Variants in LCLAT1 observed in about 807,000 individuals in gnomAD.
The protein encoded by LCLAT1 is 1-AGP acyltransferase 8.
LCLAT1 carries 11 observed loss-of-function variants against 30.7 expected under a neutral mutation model. The ratio of observed to expected loss-of-function variants is 0.36; its 90% confidence interval spans 0.23 to 0.59. The LOEUF (loss-of-function observed/expected upper bound fraction) is 0.59, where lower values mean the gene tolerates loss of function less well. Ranked by LOEUF, LCLAT1 falls within the 20% of genes least tolerant of loss-of-function variation. The pLI is 0.77. For synonymous variants in LCLAT1, 155 were observed against 151.3 expected (o/e 1.02, Z -0.18); for missense variants, 402 against 458.6 (o/e 0.88, Z 1.13).
intron 3 of LCLAT1, among the ~76,000 whole-genome samples, chr2:30,559,947 A>G (rs1665113370): frequency 6.6e-6 from 1 of 152,198 alleles, no homozygotes; most frequent in South Asian, 2.1e-4. Context: ...TGTTTCTCTC[A>G]TCAATCCCCC....
chr2:30,604,036 T>C (rs1026505347), intron 5 of LCLAT1, among the ~76,000 whole-genome samples: 2 of 152,006 alleles, frequency 1.3e-5, no homozygotes, highest in East Asian at 3.9e-4. Context: ...ACACTAAATA[T>C]TGAACTTACC....
intron 5 of LCLAT1, among the ~76,000 whole-genome samples, chr2:30,587,961 T>C (rs1051567700): frequency 6.6e-6 from 1 of 152,266 alleles, no homozygotes; most frequent in African/African-American, 2.4e-5. Context: ...AAGTCCTATC[T>C]GGAAGCCTTC....
At chr2:30,537,727 C>A (rs1348143819) in intron 3 of LCLAT1, among the ~76,000 whole-genome samples, 2 of 152,116 alleles carry the variant, frequency 1.3e-5, no homozygotes, top group Non-Finnish European at 2.9e-5. Flanking sequence ...GCATTATAGA[C>A]CAAGTGGACC....
chr2:30,475,603 A>G (rs1005544714), intron 1 of LCLAT1, among the ~76,000 whole-genome samples: 3 of 152,172 alleles, frequency 2.0e-5, no homozygotes, highest in African/African-American at 7.2e-5. Flanking sequence ...ATTTTAATGC[A>G]TGTTTAAATA....
rs143936713 is a variant in LCLAT1, at chr2:30,583,343, G to A, written c.628+15167G>A. Among the ~76,000 whole-genome samples, 51 of 152,266 alleles carry A rather than the reference G, an allele frequency of 3.3e-4. No homozygotes were observed. In the East Asian group the frequency reaches 8.1e-3, roughly 24 times the overall value. ...TGTAAACTTTAAGATCATGGGTTTC[G>A]TTGTTTCATTAAAGTGCCATCCAAA... is the stretch of plus-strand genomic sequence containing the variant. On this transcript the variant is annotated intron_variant, in intron 5 of 5. Transcript: ENST00000379509.
rs201014358 is a variant in LCLAT1 at position 30,603,482 on chromosome 2, TG to T, written c.628+35307del. Among the ~76,000 whole-genome samples, 660 of 151,850 alleles carry T rather than the reference TG, an allele frequency of 4.3e-3. 6 individuals are homozygous for T. The highest frequency in any genetic ancestry group is 0.015 in the African/African-American group (628 of 41,322). ...CCTTCAATTTTTGCTTTTTTTTTTT[TG>T]AAGGAAAATGGTTTCCAACTGGAGA... On this transcript the variant is annotated intron_variant, in intron 5 of 5. Coordinates refer to ENST00000379509, the MANE Select transcript of LCLAT1 (RefSeq NM_001002257.3).
intron 5 of LCLAT1, among the ~76,000 whole-genome samples, chr2:30,570,400 G>A (rs1388831965): frequency 6.6e-6 from 1 of 152,194 alleles, no homozygotes; most frequent in African/African-American, 2.4e-5. Flanking sequence ...AACTATAATA[G>A]TATAGCAGCT....
intron 5 of LCLAT1, among the ~76,000 whole-genome samples, chr2:30,632,457 G>A (rs1314783884): frequency 1.3e-5 from 2 of 152,214 alleles, no homozygotes; most frequent in Non-Finnish European, 2.9e-5. Context: ...CTAAACAGTT[G>A]CTTCTCCCTC....
chr2:30,508,536 A>T (rs1330201917), intron 1 of LCLAT1, among the ~76,000 whole-genome samples: 2 of 151,988 alleles, frequency 1.3e-5, no homozygotes, highest in Non-Finnish European at 2.9e-5. Context: ...TGTTTTTGTC[A>T]GCTTTGTTGA....
chr2:30,519,010 C>T (rs1049253020), intron 1 of LCLAT1, among the ~76,000 whole-genome samples: 7 of 152,194 alleles, frequency 4.6e-5, no homozygotes, highest in African/African-American at 1.7e-4. Context: ...TAAAGTTCCT[C>T]GCCACCTGTG....
At chr2:30,461,897 C>T (rs1056326675) in intron 1 of LCLAT1, among the ~76,000 whole-genome samples, 11 of 150,556 alleles carry the variant, frequency 7.3e-5, no homozygotes, top group South Asian at 4.3e-4. Flanking sequence ...CAGCCTCCCG[C>T]GTAGCTGGGA....
At chr2:30,524,977 C>T (rs1333194844) in intron 1 of LCLAT1, among the ~76,000 whole-genome samples, 1 of 151,204 alleles carries the variant, frequency 6.6e-6, no homozygotes, top group Non-Finnish European at 1.5e-5. Context: ...GGAAAAAACT[C>T]TGGAATATTT....
chr2:30,524,363 GAATT>G (rs1685611293), intron 1 of LCLAT1, among the ~76,000 whole-genome samples: 1 of 152,250 alleles, frequency 6.6e-6, no homozygotes, highest in East Asian at 1.9e-4. Flanking sequence ...CTAATATAAA[GAATT>G]AATATTTCTG....
chr2:30,634,862 A>G (rs1360735631), intron 5 of LCLAT1, among the ~76,000 whole-genome samples: 1 of 152,196 alleles, frequency 6.6e-6, no homozygotes, highest in Non-Finnish European at 1.5e-5. Context: ...TGTCAGTTTC[A>G]TATGAACCAA....
chr2:30,634,097 A>T (rs1668904514), intron 5 of LCLAT1, among the ~76,000 whole-genome samples: 1 of 152,234 alleles, frequency 6.6e-6, no homozygotes, highest in Non-Finnish European at 1.5e-5. Flanking sequence ...AGTACTCAAG[A>T]TTTCCTCACT....
At chr2:30,506,273 A>C (rs117525181) in intron 1 of LCLAT1, among the ~76,000 whole-genome samples, 2 of 152,168 alleles carry the variant, frequency 1.3e-5, no homozygotes, top group East Asian at 3.9e-4. Context: ...GTTTTTTCCA[A>C]ACAGATAAAG....
chr2:30,583,764 C>T (rs1300584929), intron 5 of LCLAT1, among the ~76,000 whole-genome samples: 1 of 152,096 alleles, frequency 6.6e-6, no homozygotes, highest in Non-Finnish European at 1.5e-5. Context: ...TTGGATTTTT[C>T]AGGCTTCTAA....
chr2:30,599,886 G>T (rs547210707), intron 5 of LCLAT1, among the ~76,000 whole-genome samples: 1 of 151,948 alleles, frequency 6.6e-6, no homozygotes, highest in Non-Finnish European at 1.5e-5. Context: ...TTGCCATTTT[G>T]TGTCTTTTAA....
intron 5 of LCLAT1, among the ~76,000 whole-genome samples, chr2:30,601,132 A>G (rs1002591539): frequency 3.3e-5 from 5 of 152,130 alleles, no homozygotes; most frequent in African/African-American, 4.8e-5. Context: ...TTTCAGCTCC[A>G]TCAGATCATT....
Sources: allele counts gnomAD v4.1 joint callset (sites outside exome capture counted in the v4.1 genomes callset), GRCh38; gene constraint gnomAD v4.1.1; transcripts MANE v1.5; gene names NCBI Gene and HGNC (gene_info 2026-07-23, HGNC 2026-07-21).